COL4A5: variants seen among roughly 807,000 people sequenced by gnomAD.
COL4A5 encodes collagen alpha-5(IV) chain.
In COL4A5, 26 loss-of-function variants were observed where a neutral mutation model predicts 130.2. The ratio of observed to expected loss-of-function variants is 0.20; its 90% confidence interval spans 0.15 to 0.28. The LOEUF (loss-of-function observed/expected upper bound fraction) is 0.28, where lower values mean the gene tolerates loss of function less well. Among genes scored for constraint, COL4A5 ranks in the 10% least tolerant of loss-of-function variants. COL4A5 has a pLI of 1.00. For synonymous variants in COL4A5, 496 were observed against 439.6 expected, an observed-to-expected ratio of 1.13 and a Z score of -1.60; for missense variants, 1,131 against 1,344.3, an observed-to-expected ratio of 0.84 and a Z score of 2.48.
intron 44 of COL4A5, among the ~76,000 whole-genome samples, chrX:108,677,989 C>T (rs2068341243): frequency 8.9e-6 from 1 of 111,869 alleles, no homozygotes; most frequent in Non-Finnish European, 1.9e-5. Context: ...TGAATAGAGG[C>T]ATCTTTTAGG....
intron 1 of COL4A5, among the ~76,000 whole-genome samples, chrX:108,448,775 A>G (rs2147465709): frequency 8.9e-6 from 1 of 112,090 alleles, no homozygotes; most frequent in African/African-American, 3.2e-5. Context: ...AGAAGTTTGG[A>G]GGTTGATTAT....
At chrX:108,511,953 T>C (rs73524479) in intron 1 of COL4A5, among the ~76,000 whole-genome samples, 10,572 of 110,933 alleles carry the variant, frequency 0.095, 1,152 homozygotes, top group African/African-American at 0.32. Flanking sequence ...TTTGGGATGA[T>C]AAAAATGTTC....
rs768821674 is a variant in COL4A5, at chrX:108,642,979, A to G, written c.3247-12352A>G. On this transcript the variant is annotated intron_variant, in intron 36 of 52. Transcript: ENST00000328300. The stretch of plus-strand genomic sequence containing the variant: ...AGCTAATCAAGGAGGCACCAGAGAA[A>G]GGTGAAGCCCAATGTAAGGAAATCC... Among the ~76,000 whole-genome samples the G allele has an allele frequency of 5.7e-3, 632 of 111,599 alleles. 3 individuals carry two copies. The highest frequency in any genetic ancestry group is 0.019 in the African/African-American group (590 of 30,707).
chrX:108,645,835 G>GT (rs1353406154), intron 36 of COL4A5, among the ~76,000 whole-genome samples: 1 of 106,979 alleles, frequency 9.3e-6, no homozygotes, highest in Non-Finnish European at 1.9e-5. Context: ...GCGGTGTTTG[G>GT]TTTTTTGTCC....
chrX:108,582,028 A>G (rs1199760147), intron 16 of COL4A5, among the ~76,000 whole-genome samples: 1 of 110,601 alleles, frequency 9.0e-6, no homozygotes, highest in Non-Finnish European at 1.9e-5. Context: ...AGTAGGCAAG[A>G]GTTTTTCAAA....
chrX:108,453,959 A>G (rs774368977), intron 1 of COL4A5, among the ~76,000 whole-genome samples: 3 of 112,408 alleles, frequency 2.7e-5, no homozygotes, highest in Non-Finnish European at 5.6e-5. Context: ...TACACAAACC[A>G]CAGCAGAAGA....
At chrX:108,473,925 C>T (rs938836364) in intron 1 of COL4A5, among the ~76,000 whole-genome samples, 9 of 109,372 alleles carry the variant, frequency 8.2e-5, no homozygotes, top group South Asian at 7.8e-4. Context: ...AGCCACTGTG[C>T]GCTGCCAATA....
intron 1 of COL4A5, among the ~76,000 whole-genome samples, chrX:108,489,567 T>C (rs2064977044): frequency 8.9e-6 from 1 of 112,164 alleles, no homozygotes; most frequent in African/African-American, 3.2e-5. Flanking sequence ...AAATGTAAAG[T>C]CTTATTTTAA....
At chrX:108,571,662 A>C in intron 7 of COL4A5, 149 bp from the exon 8 acceptor site, 1 of 566,806 alleles carries the variant, frequency 1.8e-6, no homozygotes, top group South Asian at 2.8e-5. Flanking sequence ...ATGTATATAA[A>C]TGTCACCTCT....
chrX:108,634,798 T>C (rs1213132814), intron 36 of COL4A5, among the ~76,000 whole-genome samples: 2 of 111,439 alleles, frequency 1.8e-5, no homozygotes, highest in African/African-American at 6.5e-5. Context: ...CATAGAATAA[T>C]TACATTTTCC....
At chrX:108,647,363 C>T (rs1300452361) in intron 36 of COL4A5, among the ~76,000 whole-genome samples, 1 of 111,507 alleles carries the variant, frequency 9.0e-6, no homozygotes, top group Non-Finnish European at 1.9e-5. Flanking sequence ...GGTCTTCACT[C>T]ATGATTTGGC....
chrX:108,533,307 T>C (rs997791104), intron 1 of COL4A5, among the ~76,000 whole-genome samples: 2 of 111,649 alleles, frequency 1.8e-5, no homozygotes, highest in Admixed American at 1.9e-4. Context: ...TAAATGGTGC[T>C]GGAAAAATTG....
intron 1 of COL4A5, among the ~76,000 whole-genome samples, chrX:108,531,160 G>A (rs752570503): frequency 2.0e-4 from 18 of 90,277 alleles, no homozygotes; most frequent in African/African-American, 7.4e-4. Context: ...ATTGAACAAT[G>A]AGAACACATG....
chrX:108,641,064 A>G (rs2067456024), intron 36 of COL4A5, among the ~76,000 whole-genome samples: 1 of 111,971 alleles, frequency 8.9e-6, no homozygotes, highest in South Asian at 3.7e-4. Context: ...CATAATAAAG[A>G]GAGAAAATAA....
intron 49 of COL4A5, chrX:108,689,743 A>G (rs1242840292): frequency 1.3e-6 from 1 of 752,909 alleles, no homozygotes; most frequent in Non-Finnish European, 1.6e-6. Flanking sequence ...TGGAAGGATT[A>G]TAGGATGTAA....
At position 108,582,871 on chromosome X, in the gene COL4A5, C is replaced by T; in HGVS notation, c.937-13C>T. ...ATTTGTGCTGATGTCACCCTATCCT[C>T]TATGTTTTAAAGGGTTTGCCTGGTG... On this transcript the variant is annotated splice_polypyrimidine_tract_variant and intron_variant, in intron 16 of 52. Transcript: ENST00000328300. 1 of 1,189,492 alleles carries T rather than the reference C, an allele frequency of 8.4e-7. No homozygotes were observed.
At chrX:108,625,148 G>A (rs2067128690) in intron 34 of COL4A5, among the ~76,000 whole-genome samples, 1 of 112,404 alleles carries the variant, frequency 8.9e-6, no homozygotes, top group Non-Finnish European at 1.9e-5. Context: ...TGACATCACA[G>A]AGCTCAAGCA....
At chrX:108,576,664 GCCACTCT>G (rs1484476649) in intron 10 of COL4A5, among the ~76,000 whole-genome samples, 1 of 112,075 alleles carries the variant, frequency 8.9e-6, no homozygotes, top group Non-Finnish European at 1.9e-5. Context: ...TTTCTCATGT[GCCACTCT>G]ATCTCTCATC....
chrX:108,668,122 T>G (rs893377468), intron 40 of COL4A5, among the ~76,000 whole-genome samples, 197 bp from the exon 41 acceptor site: 2 of 111,736 alleles, frequency 1.8e-5, no homozygotes, highest in African/African-American at 6.5e-5. Context: ...CTATATATAC[T>G]CTAATAAATA....
Sources: allele counts gnomAD v4.1 joint callset (sites outside exome capture counted in the v4.1 genomes callset), GRCh38; gene constraint gnomAD v4.1.1; transcripts MANE v1.5; gene names NCBI Gene and HGNC (gene_info 2026-07-23, HGNC 2026-07-21).